Variants in ALG3 observed in about 807,000 individuals in gnomAD.
The protein encoded by ALG3 is dol-P-Man:Man(5)GlcNAc(2)-PP-Dol alpha-1,3-mannosyltransferase.
Under a neutral mutation model 50.5 loss-of-function variants are expected in ALG3, and 39 were observed. That is an observed-to-expected ratio of 0.77 (90% confidence interval 0.60 to 1.01). The LOEUF (loss-of-function observed/expected upper bound fraction) is 1.01. Ranked by LOEUF, ALG3 falls within the 50% of genes least tolerant of loss-of-function variation. The pLI, the probability that ALG3 is intolerant of heterozygous loss-of-function variation, is 0.00. For synonymous variants in ALG3, 252 were observed against 237.2 expected (o/e 1.06, Z -0.58); for missense variants, 520 against 554.8 (o/e 0.94, Z 0.63).
intron 8 of ALG3, 24 bp from the exon 9 acceptor site, chr3:184,242,700 C>A (rs761463872): frequency 1.3e-6 from 2 of 1,564,574 alleles, no homozygotes; most frequent in Admixed American, 3.6e-5. Context: ...ACAGGTTCCA[C>A]GTTTCATCCA....
rs766264634 is a variant in ALG3, at chr3:184,242,840, G to C, written c.1127C>G (p.Pro376Arg). The C allele has an allele frequency of 6.2e-7, 1 of 1,613,946 alleles. No homozygotes were observed. Among genetic ancestry groups the C allele is most frequent in the Non-Finnish European group, 8.5e-7 (1 of 1,179,902 alleles). ...GAGCAGGTGTGTGAGCCAGCGTGCA[G>C]GCATGGCCCACAGGAGGTAGGGCAG... is the stretch of plus-strand genomic sequence containing the variant. Reference protein sequence around the residue: ...HTLPYLLWAMPARWLTHLLRL... With the variant: ...HTLPYLLWAMRARWLTHLLRL... The change falls in exon 8 of 9, where the codon CCT becomes CGT. Residue 376 changes from proline (P) to arginine (R), a missense_variant. Pro to Arg is a moderately radical substitution (Grantham distance 103). This residue lies in a region of ALG3 where 224 missense variants were observed against 272.8 expected (regional missense o/e 0.82). Transcript: ENST00000397676.
At chr3:184,243,176 C>A (rs1577101548) in intron 7 of ALG3, 1 of 639,642 alleles carries the variant, frequency 1.6e-6, no homozygotes, top group Non-Finnish European at 2.6e-6. Flanking sequence ...GGTTTGAACC[C>A]CTAACTTACT....
rs1718977729 is a variant in ALG3, at chr3:184,243,867, G to A, written c.856C>T (p.His286Tyr). 3 of 1,614,058 alleles carry A rather than the reference G, an allele frequency of 1.9e-6. No homozygotes were observed. The highest frequency in any genetic ancestry group is 2.5e-6 in the Non-Finnish European group (3 of 1,179,908). Reference sequence around the variant, plus strand: ...AACAGGGCCAGGTGGAAGGCTCGATGCAGGAAGAGCGCCTCTGGGAGGAAG... The same window carrying A: ...AACAGGGCCAGGTGGAAGGCTCGATACAGGAAGAGCGCCTCTGGGAGGAAG... ...WRFLPEALFL[H>Y]RAFHLALLTA... The change falls in exon 6 of 9, where the codon CAT (histidine) becomes TAT (tyrosine). Residue 286 changes from histidine (H) to tyrosine (Y), a missense_variant. Around this residue, in one of 3 missense-constraint regions of ALG3, gnomAD observed 224 missense variants for 272.8 expected, o/e 0.82. Transcript: ENST00000397676.
At chr3:184,249,168 C>T (rs981319753), upstream of ALG3, 15 of 1,588,424 alleles carry the variant, frequency 9.4e-6, no homozygotes, top group African/African-American at 4.0e-5. Flanking sequence ...ATACCCAGCC[C>T]TGGGTACACA....
rs1315542460 is a variant in ALG3, at chr3:184,243,807, G to A, written c.916C>T (p.Leu306Phe). 6.2e-7 allele frequency: 1 copy of A among 1,613,834 alleles called. No individual in the cohort carries two copies. The highest frequency in any genetic ancestry group is 1.7e-4 in the Middle Eastern group (1 of 6,056). Residue 306 changes from leucine to phenylalanine, a missense_variant, in exon 6 of 9, where the codon CTC (leucine) becomes TTC (phenylalanine). Around this residue, in one of 3 missense-constraint regions of ALG3, gnomAD observed 224 missense variants for 272.8 expected, o/e 0.82. Transcript: ENST00000397676. ...AHLTLLLLFALCRWHRTGESI... is the reference protein window; with the variant it reads ...AHLTLLLLFAFCRWHRTGESI... ...TTTTCTCACCTGTGCCACCTGCAGAGGGCAAACAGCAGGAGCAGGGTGAGG... is the reference window on the plus strand; with the variant it reads ...TTTTCTCACCTGTGCCACCTGCAGAAGGCAAACAGCAGGAGCAGGGTGAGG...
In ALG3 at chr3:184,243,880, C is replaced by T. The variant is rs1390067422; in HGVS notation, c.843G>A (p.Glu281=). The T allele has an allele frequency of 2.0e-5, 33 of 1,613,886 alleles. No individual in the cohort carries two copies. The highest frequency in any genetic ancestry group is 2.8e-5 in the Non-Finnish European group (33 of 1,179,900). ...HWTVNWRFLP[E]ALFLHRAFHL... is the part of the protein sequence containing the mutation. ...GGAAGGCTCGATGCAGGAAGAGCGC[C>T]TCTGGGAGGAAGCGCCAGTTCACTG... The change falls in exon 6 of 9, where the codon GAG becomes GAA. Residue 281 remains glutamate (E), a synonymous_variant. Coordinates refer to ENST00000397676, the MANE Select transcript of ALG3 (RefSeq NM_005787.6).
Position 184,242,492 on chromosome 3 carries a change from T to C in ALG3, c.*22A>G, listed in dbSNP as rs1331445962. 1 of 1,610,200 alleles carries C rather than the reference T, an allele frequency of 6.2e-7. No homozygotes were observed. The highest frequency in any genetic ancestry group is 2.2e-5 in the East Asian group (1 of 44,766). ...CCCAGGTCCTGAGGGTAGACTCAGG[T>C]CCTGAGGGAAAGGGGTGGACTTCAG... On this transcript the variant is annotated 3_prime_UTR_variant, in exon 9 of 9. Coordinates refer to ENST00000397676, the MANE Select transcript of ALG3 (RefSeq NM_005787.6).
At chr3:184,248,608 G>A in intron 1 of ALG3, 137 bp downstream of exon 1, 2 of 793,012 alleles carry the variant, frequency 2.5e-6, no homozygotes, top group East Asian at 2.8e-5. Context: ...TGGCGCTCAG[G>A]TAAGGGATAT....
At chr3:184,249,456 C>A (rs867940792), upstream of ALG3, 41 of 771,930 alleles carry the variant, frequency 5.3e-5, no homozygotes, top group Middle Eastern at 7.5e-4. Context: ...GTGAGTCTGA[C>A]ACCTTGAGTG....
Position 184,245,547 on chromosome 3 carries a change from C to A in ALG3, c.365G>T (p.Arg122Leu), listed in dbSNP as rs867376445. The A allele has an allele frequency of 1.2e-6, 2 of 1,613,814 alleles. No individual in the cohort carries two copies. The highest frequency in any genetic ancestry group is 1.7e-6 in the Non-Finnish European group (2 of 1,179,830). The change falls in exon 3 of 9, where the codon CGC (arginine) becomes CTC (leucine). Residue 122 changes from arginine (R) to leucine (L), a missense_variant. Physicochemically the swap from Arg to Leu is moderately radical, Grantham distance 102. Coordinates refer to ENST00000397676, the MANE Select transcript of ALG3 (RefSeq NM_005787.6). ...YYATSRGTDI[R>L]MAQNIFAVLY... The stretch of plus-strand genomic sequence containing the variant: ...CACAGCAAAGATGTTCTGGGCCATG[C>A]GGATGTCAGTGCCTCGGCTGGTGGC...
intron 2 of ALG3, 37 bp downstream of exon 2, chr3:184,245,676 C>T (rs530941454): frequency 6.2e-7 from 1 of 1,609,686 alleles, no homozygotes; most frequent in Non-Finnish European, 8.5e-7. Flanking sequence ...CCTAACCAGC[C>T]CCTCACATCC....
chr3:184,242,489 A>C lies in ALG3; in HGVS notation c.*25T>G. On this transcript the variant is annotated 3_prime_UTR_variant, in exon 9 of 9. Coordinates refer to ENST00000397676, the MANE Select transcript of ALG3 (RefSeq NM_005787.6). ...AACCCCAGGTCCTGAGGGTAGACTC[A>C]GGTCCTGAGGGAAAGGGGTGGACTT... 1 of 1,609,590 alleles carries C rather than the reference A, an allele frequency of 6.2e-7. No homozygotes were observed. Among genetic ancestry groups the C allele is most frequent in the South Asian group, 1.1e-5 (1 of 90,128 alleles).
intron 1 of ALG3, among the ~76,000 whole-genome samples, chr3:184,246,571 A>T (rs1719161613): frequency 1.3e-5 from 2 of 152,046 alleles, no homozygotes; most frequent in South Asian, 4.1e-4. Flanking sequence ...TTCCTTCATG[A>T]TCTGGCCTCA....
intron 1 of ALG3, 94 bp downstream of exon 1, chr3:184,248,651 C>T: frequency 1.7e-6 from 2 of 1,171,320 alleles, no homozygotes; most frequent in Non-Finnish European, 2.4e-6. Context: ...TGAGTGGATA[C>T]AGAGTCTGGT....
chr3:184,243,148 G>T (rs1009818845), intron 7 of ALG3, 191 bp from the exon 8 acceptor site: 3 of 758,242 alleles, frequency 4.0e-6, no homozygotes, highest in Non-Finnish European at 6.2e-6. Flanking sequence ...GTAATACCTA[G>T]GGCCATAAGG....
chr3:184,247,590 G>A (rs571346923), intron 1 of ALG3, among the ~76,000 whole-genome samples: 136 of 152,270 alleles, frequency 8.9e-4, no homozygotes, highest in Non-Finnish European at 1.4e-3. Context: ...GTGCCGCTGC[G>A]CCCAGCCTAG....
At chr3:184,247,738 G>A (rs1057322829) in intron 1 of ALG3, among the ~76,000 whole-genome samples, 2 of 152,144 alleles carry the variant, frequency 1.3e-5, no homozygotes, top group Non-Finnish European at 2.9e-5. Context: ...CCTGGTTTAA[G>A]TGACTTCCTA....
intron 1 of ALG3, among the ~76,000 whole-genome samples, chr3:184,247,505 C>T (rs1281448496): frequency 6.6e-6 from 1 of 152,174 alleles, no homozygotes; most frequent in Non-Finnish European, 1.5e-5. Flanking sequence ...ATCATGTTGG[C>T]CAGGCTGGTC....
At chr3:184,247,223 G>A (rs998451545) in intron 1 of ALG3, among the ~76,000 whole-genome samples, 2 of 151,750 alleles carry the variant, frequency 1.3e-5, no homozygotes, top group South Asian at 4.2e-4. Context: ...TTTAACTCCT[G>A]CCCCCAAGTG....
Sources: allele counts gnomAD v4.1 joint callset (sites outside exome capture counted in the v4.1 genomes callset), GRCh38; gene constraint gnomAD v4.1.1; regional missense constraint gnomAD v4.1.1; transcripts MANE v1.5; gene names NCBI Gene and HGNC (gene_info 2026-07-23, HGNC 2026-07-21).